Variants in REEP1 observed in about 807,000 individuals in gnomAD.
The protein encoded by REEP1 is receptor accessory protein 1.
Under a neutral mutation model 40.3 loss-of-function variants are expected in REEP1, and 22 were observed. The observed-to-expected ratio is 0.55, with a 90% CI of 0.39 to 0.78. REEP1 has a LOEUF of 0.78. Among genes scored for constraint, REEP1 ranks in the 30% least tolerant of loss-of-function variants. The pLI, the probability that REEP1 is intolerant of heterozygous loss-of-function variation, is 0.00. For missense variants in REEP1, 280 were observed against 361.1 expected, an observed-to-expected ratio of 0.78 and a Z score of 1.82; for synonymous variants, 116 against 139.2, an observed-to-expected ratio of 0.83 and a Z score of 1.17.
intron 1 of REEP1, among the ~76,000 whole-genome samples, chr2:86,295,523 TTGTG>T (rs1678934131): frequency 6.6e-6 from 1 of 152,162 alleles, no homozygotes; most frequent in Non-Finnish European, 1.5e-5. Context: ...AACAGCTGCT[TTGTG>T]TTTTGTTTTT....
chr2:86,278,448 C>T (rs769113959), intron 2 of REEP1, among the ~76,000 whole-genome samples: 2 of 152,116 alleles, frequency 1.3e-5, no homozygotes, highest in African/African-American at 2.4e-5. Flanking sequence ...CAGCAACTTA[C>T]GGAATCTGGA....
chr2:86,266,271 A>C lies in REEP1; in HGVS notation c.106-2230T>G, dbSNP rs531558443. 9.2e-5 allele frequency among the ~76,000 whole-genome samples: 14 copies of C among 152,388 alleles called. No individual in the cohort carries two copies. In the South Asian group the frequency reaches 2.9e-3, roughly 32 times the overall value. On this transcript the variant is annotated intron_variant, in intron 2 of 8. Coordinates refer to ENST00000538924, the MANE Select transcript of REEP1 (RefSeq NM_001371279.1). ...GTTAAAACTATAAAACACTTACAAGAAAAACATATAATTAAATATTTCTGA... is the reference window on the plus strand; with the variant it reads ...GTTAAAACTATAAAACACTTACAAGCAAAACATATAATTAAATATTTCTGA...
chr2:86,266,748 C>T (rs1290936959), intron 2 of REEP1, among the ~76,000 whole-genome samples: 1 of 151,534 alleles, frequency 6.6e-6, no homozygotes, highest in African/African-American at 2.4e-5. Flanking sequence ...TGGCTCACGC[C>T]TGTAATCCCA....
chr2:86,323,915 T>C lies in REEP1; in HGVS notation c.32+13564A>G, dbSNP rs553084065. On this transcript the variant is annotated intron_variant, in intron 1 of 8. Coordinates refer to ENST00000538924, the MANE Select transcript of REEP1 (RefSeq NM_001371279.1). ...GCACTGCAGGTCTGAAGAGAAAGCATAAACTTTTGAATAAATAGAGCCAGG... is the reference window on the plus strand; with the variant it reads ...GCACTGCAGGTCTGAAGAGAAAGCACAAACTTTTGAATAAATAGAGCCAGG... 6.6e-4 allele frequency among the ~76,000 whole-genome samples: 101 copies of C among 152,088 alleles called. 1 individual carries two copies. The South Asian group carries it at 0.02, about 31-fold the overall frequency.
At chr2:86,310,369 G>T (rs1192376505) in intron 1 of REEP1, among the ~76,000 whole-genome samples, 3 of 152,172 alleles carry the variant, frequency 2.0e-5, no homozygotes, top group Non-Finnish European at 4.4e-5. Flanking sequence ...ACTGCCTACA[G>T]TATTCAGTAT....
intron 7 of REEP1, among the ~76,000 whole-genome samples, chr2:86,227,039 CCAGCCAA>C (rs1300918883): frequency 6.6e-6 from 1 of 152,144 alleles, no homozygotes; most frequent in Non-Finnish European, 1.5e-5. Flanking sequence ...TTGGAGAGGC[CCAGCCAA>C]CAGCCATAAG....
intron 1 of REEP1, among the ~76,000 whole-genome samples, chr2:86,311,499 C>G (rs957935449): frequency 1.3e-5 from 2 of 152,138 alleles, no homozygotes; most frequent in Non-Finnish European, 2.9e-5. Context: ...GGAGGATTTT[C>G]CTTGCCTTTT....
intron 2 of REEP1, among the ~76,000 whole-genome samples, chr2:86,270,754 G>T (rs987914676): frequency 4.6e-5 from 7 of 152,102 alleles, no homozygotes; most frequent in Non-Finnish European, 7.3e-5. Context: ...GCCTAGATTG[G>T]AAAACAACAC....
chr2:86,297,389 C>T (rs1217074171), intron 1 of REEP1, among the ~76,000 whole-genome samples: 1 of 152,180 alleles, frequency 6.6e-6, no homozygotes, highest in Non-Finnish European at 1.5e-5. Flanking sequence ...GGATAATATA[C>T]GTTATGATAC....
intron 6 of REEP1, among the ~76,000 whole-genome samples, chr2:86,231,369 T>C (rs1675006203): frequency 6.6e-6 from 1 of 152,156 alleles, no homozygotes; most frequent in Admixed American, 6.5e-5. Context: ...GCCACAGTCT[T>C]AAGACCTGCG....
chr2:86,275,680 T>G (rs1312915525), intron 2 of REEP1, among the ~76,000 whole-genome samples: 4 of 152,212 alleles, frequency 2.6e-5, no homozygotes, highest in African/African-American at 4.8e-5. Flanking sequence ...CTGCCCACGT[T>G]TCCCACTCTC....
intron 1 of REEP1, among the ~76,000 whole-genome samples, chr2:86,319,022 C>T (rs1680159750): frequency 6.6e-6 from 1 of 152,092 alleles, no homozygotes; most frequent in East Asian, 1.9e-4. Flanking sequence ...AAAGTAAAAG[C>T]GGAGCCCCAG....
rs78369974 is a variant in REEP1, at chr2:86,262,077, C to T, written c.182+1888G>A. ...CTGACACATCCCCCTCTCGGAGAAA[C>T]ACCCACGAATGATCAATAAATACTA... On this transcript the variant is annotated intron_variant, in intron 3 of 8. Coordinates refer to ENST00000538924, the MANE Select transcript of REEP1 (RefSeq NM_001371279.1). 7.2e-3 allele frequency among the ~76,000 whole-genome samples: 1,091 copies of T among 152,344 alleles called. 10 individuals carry two copies. Among genetic ancestry groups the T allele is most frequent in the Non-Finnish European group, 0.013 (868 of 68,028 alleles).
Position 86,333,816 on chromosome 2 carries a change from T to A in REEP1, c.32+3663A>T, listed in dbSNP as rs539486693. 1.1e-3 allele frequency among the ~76,000 whole-genome samples: 164 copies of A among 152,338 alleles called. 1 individual carries two copies. The highest frequency in any genetic ancestry group is 6.8e-3 in the Middle Eastern group (2 of 294). The stretch of plus-strand genomic sequence containing the variant: ...GGCAAGTCCTAAATAAGCCCCTGTG[T>A]CCCATGAAGGTATCAACCTGGTTCT... On this transcript the variant is annotated intron_variant, in intron 1 of 8. Coordinates refer to ENST00000538924, the MANE Select transcript of REEP1 (RefSeq NM_001371279.1).
At position 86,214,636 on chromosome 2, in the gene REEP1, C is replaced by A. The variant is rs980377792; in HGVS notation, c.*2403G>T. 6.6e-6 allele frequency: 1 copy of A among 152,572 alleles called. No homozygotes were observed. The highest frequency in any genetic ancestry group is 2.4e-5 in the African/African-American group (1 of 41,432). The allele number at this position is 152,572 out of a possible 1,614,324, so 9.5% of individuals were successfully genotyped here. Reference sequence around the variant, plus strand: ...TTCACATTTTATGTCAGTTCATACACAAATGTACAACTTGTCAGATACGTA... The same window carrying A: ...TTCACATTTTATGTCAGTTCATACAAAAATGTACAACTTGTCAGATACGTA... On this transcript the variant is annotated 3_prime_UTR_variant, in exon 9 of 9. Transcript: ENST00000538924.
chr2:86,227,791 C>T (rs11127018), intron 6 of REEP1, among the ~76,000 whole-genome samples: 116,828 of 152,102 alleles, frequency 0.77, 47,298 homozygotes, highest in East Asian at 0.9. Flanking sequence ...AAGTGCTTCG[C>T]ATCTGGGCAT....
intron 5 of REEP1, among the ~76,000 whole-genome samples, chr2:86,241,773 C>T (rs763318861): frequency 1.3e-5 from 2 of 152,198 alleles, no homozygotes; most frequent in African/African-American, 2.4e-5. Context: ...CAGCAGCCCA[C>T]GTTTGACCTT....
At chr2:86,309,606 A>T (rs1178822418) in intron 1 of REEP1, among the ~76,000 whole-genome samples, 1 of 152,176 alleles carries the variant, frequency 6.6e-6, no homozygotes, top group Admixed American at 6.5e-5. Context: ...GAGGTCTGTG[A>T]TCGGGTGCCA....
At chr2:86,266,242 A>G (rs1677126572) in intron 2 of REEP1, among the ~76,000 whole-genome samples, 1 of 152,276 alleles carries the variant, frequency 6.6e-6, no homozygotes, top group South Asian at 2.1e-4. Flanking sequence ...TCCTAAATGT[A>G]AGAGTTAAAA....
Sources: gnomAD v4.1 joint callset for allele counts (sites outside exome capture counted in the v4.1 genomes callset) on GRCh38, gnomAD v4.1.1 for gene constraint, MANE v1.5 for transcripts, NCBI Gene and HGNC (gene_info 2026-07-23, HGNC 2026-07-21) for gene names.